The following LRP1B variants were observed in gnomAD, a reference collection of about 807,000 sequenced individuals.
The protein encoded by LRP1B is LDL receptor related protein 1B.
A neutral mutation model predicts 556.6 loss-of-function variants in LRP1B; 217 were observed. The ratio of observed to expected loss-of-function variants is 0.39; its 90% CI spans 0.35 to 0.44. The LOEUF is 0.44. Among genes scored for constraint, LRP1B ranks in the 20% least tolerant of loss-of-function variants. The pLI, the probability that LRP1B is intolerant of heterozygous loss-of-function variation, is 1.00. For missense variants in LRP1B, 5,053 were observed against 5,620.8 expected, an observed-to-expected ratio of 0.90 and a Z score of 3.23; for synonymous variants, 2,047 against 1,865.8, an observed-to-expected ratio of 1.10 and a Z score of -2.50.
intron 21 of LRP1B, among the ~76,000 whole-genome samples, chr2:140,919,347 T>C (rs1381699387): frequency 3.3e-5 from 5 of 151,466 alleles, no homozygotes; most frequent in Admixed American, 3.3e-4. Flanking sequence ...ATATTGGATT[T>C]TATCAGATTC....
At chr2:141,864,229 T>C (rs1698335304) in intron 1 of LRP1B, among the ~76,000 whole-genome samples, 1 of 152,204 alleles carries the variant, frequency 6.6e-6, no homozygotes, top group African/African-American at 2.4e-5. Flanking sequence ...AGAATCAAAT[T>C]ACATTTTAAT....
intron 41 of LRP1B, among the ~76,000 whole-genome samples, chr2:140,695,894 A>C (rs542391551): frequency 6.6e-6 from 1 of 152,284 alleles, no homozygotes; most frequent in South Asian, 2.1e-4. Context: ...CATCTTTTAA[A>C]CCTGAGGCCA....
chr2:140,490,329 T>C (rs1688647090), intron 57 of LRP1B, among the ~76,000 whole-genome samples: 1 of 152,114 alleles, frequency 6.6e-6, no homozygotes, highest in Admixed American at 6.6e-5. Flanking sequence ...CTAAATATAG[T>C]ATATGAATTT....
At chr2:141,269,462 A>C (rs1254708525) in intron 3 of LRP1B, among the ~76,000 whole-genome samples, 1 of 152,210 alleles carries the variant, frequency 6.6e-6, no homozygotes. Context: ...ATAAAGACAC[A>C]CAGCTTAATA....
chr2:141,885,710 T>G (rs930070426), intron 1 of LRP1B, among the ~76,000 whole-genome samples: 1 of 152,162 alleles, frequency 6.6e-6, no homozygotes, highest in African/African-American at 2.4e-5. Context: ...TGAGATCAAA[T>G]TTGAAAACCT....
intron 41 of LRP1B, among the ~76,000 whole-genome samples, chr2:140,664,622 T>TA (rs765114898): frequency 6.6e-6 from 1 of 152,018 alleles, no homozygotes; most frequent in Non-Finnish European, 1.5e-5. Flanking sequence ...CTTATCAAAA[T>TA]AAAAAATATT....
rs1559094721 is a variant in LRP1B at position 140,748,799 on chromosome 2, C to CATGTATTATATACATCAT, written c.5758+20413_5758+20414insATGATGTATATAATACAT. ...ATATGTATATAATATATATTATATA[C>CATGTATTATATACATCAT]ATATTATATACATGTATATAATATA... On this transcript the variant is annotated intron_variant, in intron 35 of 90. Coordinates refer to ENST00000389484, the MANE Select transcript of LRP1B (RefSeq NM_018557.3). Among the ~76,000 whole-genome samples, 13 of 18,446 alleles carry CATGTATTATATACATCAT rather than the reference C, an allele frequency of 7.0e-4. 2 individuals are homozygous for CATGTATTATATACATCAT. Among genetic ancestry groups the CATGTATTATATACATCAT allele is most frequent in the African/African-American group, 2.1e-3 (13 of 6,086 alleles). 12.1% of individuals were successfully genotyped at this position (18,446 alleles called of 152,430 possible). A position where few individuals can be genotyped will look rare whatever the true frequency, so the allele number is the denominator to read the frequency against.
At chr2:140,595,499 C>T (rs1340606334) in intron 43 of LRP1B, among the ~76,000 whole-genome samples, 2 of 151,918 alleles carry the variant, frequency 1.3e-5, no homozygotes, top group African/African-American at 2.4e-5. Context: ...AGATTTAATT[C>T]CATATCATTA....
At chr2:140,566,641 A>C (rs1001558672) in intron 43 of LRP1B, among the ~76,000 whole-genome samples, 46 of 151,872 alleles carry the variant, frequency 3.0e-4, no homozygotes, top group Non-Finnish European at 6.3e-4. Flanking sequence ...CACTCCATAT[A>C]CCCCTCCCAG....
chr2:141,374,203 C>T (rs1342751977), intron 3 of LRP1B, among the ~76,000 whole-genome samples: 3 of 152,188 alleles, frequency 2.0e-5, no homozygotes, highest in South Asian at 2.1e-4. Flanking sequence ...TATGCCATCC[C>T]ATTCTCTAAT....
At chr2:141,046,567 C>A (rs1293108925) in intron 11 of LRP1B, among the ~76,000 whole-genome samples, 1 of 152,050 alleles carries the variant, frequency 6.6e-6, no homozygotes, top group Admixed American at 6.6e-5. Context: ...GTTCTCATAA[C>A]CTTCATACTG....
At chr2:141,169,991 T>C (rs771242189) in intron 7 of LRP1B, among the ~76,000 whole-genome samples, 3 of 152,046 alleles carry the variant, frequency 2.0e-5, no homozygotes, top group Non-Finnish European at 4.4e-5. Flanking sequence ...TGTAATCTCA[T>C]GGTGTGGGGT....
chr2:141,464,584 G>GTA (rs1236041290), intron 3 of LRP1B, among the ~76,000 whole-genome samples: 4,286 of 88,238 alleles, frequency 0.049, 419 homozygotes, highest in Non-Finnish European at 0.057. Context: ...GGCTAATTTT[G>GTA]TATATATATA....
chr2:141,023,294 A>G (rs1428373593), intron 11 of LRP1B, among the ~76,000 whole-genome samples: 2 of 151,948 alleles, frequency 1.3e-5, no homozygotes, highest in African/African-American at 4.8e-5. Context: ...ATTCAAATTT[A>G]GGATTAATAA....
chr2:140,939,243 T>C (rs1695322284), intron 20 of LRP1B, among the ~76,000 whole-genome samples: 1 of 151,966 alleles, frequency 6.6e-6, no homozygotes, highest in Non-Finnish European at 1.5e-5. Context: ...AAACACAAGA[T>C]AAACTTAATT....
chr2:141,838,117 G>T (rs1697350506), intron 1 of LRP1B, among the ~76,000 whole-genome samples: 1 of 152,076 alleles, frequency 6.6e-6, no homozygotes, highest in South Asian at 2.1e-4. Context: ...GGTACCTACT[G>T]TCTGCCAAAT....
chr2:140,404,275 C>T (rs207462475), intron 66 of LRP1B, among the ~76,000 whole-genome samples: 45 of 149,192 alleles, frequency 3.0e-4, no homozygotes, highest in South Asian at 8.5e-4. Flanking sequence ...CCTGGGTTCA[C>T]GCCATTCTCC....
chr2:141,741,263 C>CTTTTTTTTTTTTTTTTTTT (rs11326947), intron 2 of LRP1B, among the ~76,000 whole-genome samples: 2 of 57,988 alleles, frequency 3.4e-5, no homozygotes, highest in African/African-American at 1.5e-4. Context: ...TACTGATTTC[C>CTTTTTTTTTTTTTTTTTTT]TTTTTTTTTT....
intron 41 of LRP1B, among the ~76,000 whole-genome samples, chr2:140,659,110 T>G (rs891584267): frequency 5.8e-5 from 8 of 137,844 alleles, no homozygotes; most frequent in African/African-American, 1.5e-4. Context: ...TTTTTTTTTT[T>G]TTTTTTTTTT....
Sources: allele counts gnomAD v4.1 joint callset (sites outside exome capture counted in the v4.1 genomes callset), GRCh38; gene constraint gnomAD v4.1.1; transcripts MANE v1.5; gene names NCBI Gene and HGNC (gene_info 2026-07-23, HGNC 2026-07-21).